Variants in GRHL2 observed in about 807,000 individuals in gnomAD.
The protein encoded by GRHL2 is grainyhead-like protein 2 homolog.
In GRHL2, 21 loss-of-function variants were observed where a neutral mutation model predicts 83.8. The observed-to-expected ratio is 0.25, with a 90% CI of 0.18 to 0.36. The LOEUF (loss-of-function observed/expected upper bound fraction) is 0.36. GRHL2 is among the 10% of genes least tolerant of loss of function. GRHL2 has a pLI of 1.00. For synonymous variants in GRHL2, 280 were observed against 278.9 expected (o/e 1.00, Z -0.04); for missense variants, 623 against 781.8 (o/e 0.80, Z 2.42).
intron 7 of GRHL2, among the ~76,000 whole-genome samples, chr8:101,585,065 G>A (rs1369722646): frequency 2.1e-4 from 32 of 152,128 alleles, no homozygotes; most frequent in Admixed American, 1.1e-3. Context: ...GCAGCCAGGT[G>A]GTCAGGTAGC....
chr8:101,592,087 CTTTCTTTCTTTTCTT>C (rs1812296221), intron 7 of GRHL2, among the ~76,000 whole-genome samples: 1 of 117,762 alleles, frequency 8.5e-6, no homozygotes, highest in South Asian at 2.8e-4. Flanking sequence ...ACAGCACTTT[CTTTCTTTCTTTTCTT>C]TTTTTTTTTT....
Position 101,632,348 on chromosome 8 carries a change from C to T in GRHL2, c.1468C>T (p.Leu490=), listed in dbSNP as rs756960152. 6.2e-7 allele frequency: 1 copy of T among 1,613,948 alleles called. No individual in the cohort carries two copies. Among genetic ancestry groups the T allele is most frequent in the Non-Finnish European group, 8.5e-7 (1 of 1,179,868 alleles). ...LFIPDVHFAN[L]QRTGQVYYNT... is the part of the protein sequence containing the mutation. ...CATACCTGATGTTCACTTTGCAAAC[C>T]TGCAGAGGACCGGACAGGTATGACC... The change falls in exon 11 of 16, where the codon CTG becomes TTG. Residue 490 remains leucine, a synonymous_variant. Transcript: ENST00000646743.
At chr8:101,650,641 G>GCCAGGGGCC (rs1371386808) in intron 14 of GRHL2, among the ~76,000 whole-genome samples, 17 of 152,116 alleles carry the variant, frequency 1.1e-4, no homozygotes, top group East Asian at 9.6e-4. Context: ...GTTAGTGGTT[G>GCCAGGGGCC]CCAGGGGATG....
At chr8:101,562,412 CA>C (rs1811626038) in intron 4 of GRHL2, 1 of 581,630 alleles carries the variant, frequency 1.7e-6, no homozygotes, top group Non-Finnish European at 2.9e-6. Flanking sequence ...GAACACCTTG[CA>C]ATTATTGTGG....
intron 2 of GRHL2, among the ~76,000 whole-genome samples, chr8:101,548,483 C>T (rs1465533976): frequency 4.6e-5 from 7 of 152,154 alleles, no homozygotes; most frequent in Non-Finnish European, 1.0e-4. Flanking sequence ...GTCACATGCA[C>T]AGACCAGGAC....
intron 8 of GRHL2, among the ~76,000 whole-genome samples, chr8:101,615,479 T>C (rs1812836445): frequency 6.6e-6 from 1 of 152,194 alleles, no homozygotes; most frequent in Non-Finnish European, 1.5e-5. Context: ...CCTGTAGTTC[T>C]AGGCAGGCTT....
In GRHL2 at chr8:101,599,054, C is replaced by T; in HGVS notation, c.1004-3C>T. ...AAAGCTTGTTCTTTTTTTAATGTTA[C>T]AGCCGATTACAAGGAGAGCTTTAAT... is the stretch of plus-strand genomic sequence containing the variant. On this transcript the variant is annotated splice_region_variant and splice_polypyrimidine_tract_variant and intron_variant, in intron 7 of 15. Transcript: ENST00000646743. The T allele has an allele frequency of 6.2e-7, 1 of 1,603,118 alleles. No homozygotes were observed. Among genetic ancestry groups the T allele is most frequent in the Non-Finnish European group, 8.5e-7 (1 of 1,170,164 alleles).
intron 1 of GRHL2, among the ~76,000 whole-genome samples, chr8:101,506,706 T>A (rs1256174219): frequency 6.6e-6 from 1 of 152,226 alleles, no homozygotes; most frequent in African/African-American, 2.4e-5. Flanking sequence ...TTTTAGGTCA[T>A]TGATACATAA....
chr8:101,597,612 T>C (rs780105712), intron 7 of GRHL2, among the ~76,000 whole-genome samples: 4 of 143,914 alleles, frequency 2.8e-5, no homozygotes, highest in Non-Finnish European at 6.0e-5. Context: ...TTCTCACTCA[T>C]AGGTGGGAAT....
chr8:101,604,293 G>A (rs1216800378), intron 8 of GRHL2, among the ~76,000 whole-genome samples: 2 of 152,062 alleles, frequency 1.3e-5, no homozygotes, highest in African/African-American at 4.8e-5. Flanking sequence ...TTATTAAAGG[G>A]CTGTGAGCTC....
intron 14 of GRHL2, among the ~76,000 whole-genome samples, chr8:101,652,795 A>G (rs1198719186): frequency 1.3e-5 from 2 of 152,102 alleles, no homozygotes; most frequent in African/African-American, 4.8e-5. Context: ...TTGTTGTGAG[A>G]CAACAACAAA....
intron 7 of GRHL2, among the ~76,000 whole-genome samples, chr8:101,587,938 T>G (rs991346566): frequency 1.3e-5 from 2 of 152,248 alleles, no homozygotes; most frequent in Admixed American, 1.3e-4. Context: ...TTTTTCTTCC[T>G]TGTTTACAAA....
Position 101,558,607 on chromosome 8 carries a change from T to C in GRHL2, c.473T>C (p.Val158Ala). The change falls in exon 4 of 16, where the codon GTG becomes GCG. Residue 158 changes from valine (V) to alanine (A), a missense_variant. By Grantham distance (64) the Val-to-Ala change is moderately conservative. Transcript: ENST00000646743. ...AIIPVSGITV[V>A]KAEDFTPVFM... ...ATCCCGGTGTCGGGAATCACGGTGG[T>C]GAAAGCTGAAGATTTCACACCAGTT... 6.2e-7 allele frequency: 1 copy of C among 1,614,014 alleles called. No individual in the cohort carries two copies. Among genetic ancestry groups the C allele is most frequent in the Non-Finnish European group, 8.5e-7 (1 of 1,179,996 alleles).
intron 6 of GRHL2, 29 bp from the exon 7 acceptor site, chr8:101,577,379 A>C (rs1057170804): frequency 2.1e-6 from 3 of 1,460,568 alleles, no homozygotes; most frequent in Non-Finnish European, 2.9e-6. Flanking sequence ...CTGAACAAAA[A>C]GTAAGCTCCA....
At chr8:101,654,559 G>C (rs1308848297) in intron 14 of GRHL2, among the ~76,000 whole-genome samples, 1 of 152,122 alleles carries the variant, frequency 6.6e-6, no homozygotes, top group African/African-American at 2.4e-5. Context: ...TGGAGAATAA[G>C]GAGCCAAAAA....
At chr8:101,509,716 T>G (rs1810425666) in intron 1 of GRHL2, among the ~76,000 whole-genome samples, 1 of 152,218 alleles carries the variant, frequency 6.6e-6, no homozygotes, top group Non-Finnish European at 1.5e-5. Context: ...GTTTGGCTAC[T>G]GATTAAGGGG....
intron 7 of GRHL2, among the ~76,000 whole-genome samples, chr8:101,584,309 G>A (rs1214461857): frequency 2.0e-5 from 3 of 152,176 alleles, no homozygotes; most frequent in African/African-American, 7.2e-5. Flanking sequence ...AAGAGTCAAT[G>A]TTTAAATTGT....
intron 2 of GRHL2, among the ~76,000 whole-genome samples, chr8:101,547,936 T>C (rs1271920853): frequency 2.6e-5 from 4 of 152,290 alleles, no homozygotes; most frequent in African/African-American, 9.6e-5. Flanking sequence ...GACAGAAAAA[T>C]GTGACAGATT....
At chr8:101,555,392 A>G (rs1324554110) in intron 3 of GRHL2, among the ~76,000 whole-genome samples, 1 of 152,098 alleles carries the variant, frequency 6.6e-6, no homozygotes, top group Non-Finnish European at 1.5e-5. Context: ...TGGAACCTTT[A>G]CTGGGTTCAT....
Sources: gnomAD v4.1 joint callset for allele counts (sites outside exome capture counted in the v4.1 genomes callset) on GRCh38, gnomAD v4.1.1 for gene constraint, MANE v1.5 for transcripts, NCBI Gene and HGNC (gene_info 2026-07-23, HGNC 2026-07-21) for gene names.